DGKQ: variants seen among roughly 807,000 people sequenced by gnomAD.
The protein encoded by DGKQ is diacylglycerol kinase theta, also known as DAG kinase theta.
DGKQ carries 97 observed loss-of-function variants against 104.2 expected under a neutral mutation model. That is an observed-to-expected ratio of 0.93 (90% CI 0.79 to 1.10). The LOEUF is 1.10. DGKQ is among the 50% of genes least tolerant of loss of function. The probability of loss-of-function intolerance (pLI) is 0.00; values close to 1 mark genes in which losing one functional copy is unlikely to be tolerated. For missense variants in DGKQ, 1,465 were observed against 1,352.1 expected, an observed-to-expected ratio of 1.08 and a Z score of -1.31; for synonymous variants, 736 against 595.2, an observed-to-expected ratio of 1.24 and a Z score of -3.44.
At position 973,369 on chromosome 4, in the gene DGKQ, C is replaced by T; in HGVS notation, c.114G>A (p.Gly38=). 8.6e-7 allele frequency: 1 copy of T among 1,160,720 alleles called. No individual in the cohort carries two copies. Among genetic ancestry groups the T allele is most frequent in the Non-Finnish European group, 1.1e-6 (1 of 943,472 alleles). 71.9% of individuals were successfully genotyped at this position (1,160,720 alleles called of 1,614,324 possible). The change falls in exon 1 of 23, where the codon GGG becomes GGA. Residue 38 remains glycine (G), a synonymous_variant. Transcript: ENST00000273814. ...GCTCGGGTCCCGGCCCCGGCCCCGGCCCCGGGCGCGCGCGGCCTCCTGAGC... is the reference window on the plus strand; with the variant it reads ...GCTCGGGTCCCGGCCCCGGCCCCGGTCCCGGGCGCGCGCGGCCTCCTGAGC... The part of the protein sequence containing the change: ...VLGSGGRARP[G]PGPGPGPERA...
chr4:964,824 C>G (rs184749714), intron 15 of DGKQ, among the ~76,000 whole-genome samples: 1 of 152,294 alleles, frequency 6.6e-6, no homozygotes, highest in Non-Finnish European at 1.5e-5. Context: ...GGGCCCGGCA[C>G]ATCCAGGAGC....
Position 967,015 on chromosome 4 carries a change from C to T in DGKQ, c.1260G>A (p.Lys420=). Residue 420 remains lysine (K), a synonymous_variant, in exon 10 of 23, where the codon AAG becomes AAA. Transcript: ENST00000273814. ...CCAGCACCACAGAGCGGGCCGTGCT[C>T]TTCGGGGTCACTCGCACGGACACGT... The part of the protein sequence containing the change: ...VAYVSVRVTP[K]STARSVVLEV... 1.3e-6 allele frequency: 2 copies of T among 1,564,704 alleles called. No individual in the cohort carries two copies. Among genetic ancestry groups the T allele is most frequent in the Non-Finnish European group, 1.7e-6 (2 of 1,156,634 alleles).
At chr4:966,711 C>A in intron 11 of DGKQ, 37 bp downstream of exon 11, 1 of 1,587,814 alleles carries the variant, frequency 6.3e-7, no homozygotes. Context: ...CCAAAAGGTG[C>A]AGGGACCGCC....
At position 968,837 on chromosome 4, in the gene DGKQ, A is replaced by G; in HGVS notation, c.425T>C (p.Leu142Pro). 6.8e-6 allele frequency: 11 copies of G among 1,611,154 alleles called. No individual in the cohort carries two copies. The highest frequency in any genetic ancestry group is 9.3e-6 in the Non-Finnish European group (11 of 1,179,224). Residue 142 changes from leucine to proline, a missense_variant, in exon 3 of 23, where the codon CTG (leucine) becomes CCG (proline). Leu to Pro is a moderately conservative substitution (Grantham distance 98). Transcript: ENST00000273814. ...TTCGCAGTGGAGCGCCGGTGCCTCC[A>G]GGACCTTGCGGCAGACAGCACAGAA... ...RKFCAVCRKV[L>P]EAPALHCEVC...
rs760628983 is a variant in DGKQ, at chr4:961,538, T to C, written c.2503A>G (p.Thr835Ala). ...GADLWGSDSD[T>A]RFEKPRMDDG... ...TCCATGCGTGGCTTCTCAAACCTGG[T>C]GTCGCTGTCGGAGCCCCACAGGTCG... The change falls in exon 21 of 23, where the codon ACC becomes GCC. Residue 835 changes from threonine (T) to alanine (A), a missense_variant. Physicochemically the swap from Thr to Ala is moderately conservative, Grantham distance 58. Transcript: ENST00000273814. 1.2e-6 allele frequency: 2 copies of C among 1,609,200 alleles called. No individual in the cohort carries two copies. Among genetic ancestry groups the C allele is most frequent in the Admixed American group, 1.7e-5 (1 of 59,724 alleles).
Position 962,516 on chromosome 4 carries a change from G to A in DGKQ, c.2133C>T (p.Leu711=), listed in dbSNP as rs772756868. 1.2e-5 allele frequency: 20 copies of A among 1,609,872 alleles called. No individual in the cohort carries two copies. The highest frequency in any genetic ancestry group is 2.2e-5 in the South Asian group (2 of 91,078). Residue 711 remains leucine, a synonymous_variant, in exon 18 of 23, where the codon CTC becomes CTT. Transcript: ENST00000273814. ...CCAGCAGGATGGTCCAGCGGTCCATGAGCACGGCGTCGGCCTCGTCCACAG... is the reference window on the plus strand; with the variant it reads ...CCAGCAGGATGGTCCAGCGGTCCATAAGCACGGCGTCGGCCTCGTCCACAG... The part of the protein sequence containing the change: ...LLSVDEADAV[L]MDRWTILLDA...
At chr4:964,188 G>C (rs1278162865) in intron 15 of DGKQ, 1 of 154,510 alleles carries the variant, frequency 6.5e-6, no homozygotes, top group East Asian at 1.9e-4. Flanking sequence ...CGGGACAGTG[G>C]GGATGGCCAC....
Position 960,727 on chromosome 4 carries a change from C to G in DGKQ, c.2728-6G>C. The G allele has an allele frequency of 6.2e-7, 1 of 1,611,516 alleles. No homozygotes were observed. The highest frequency in any genetic ancestry group is 1.1e-5 in the South Asian group (1 of 91,064). ...GCCTTCCTCAGCATGTGCACCTGTC[C>G]CAGGGCAGGGGACAGAGGACCAGGG... On this transcript the variant is annotated splice_region_variant and splice_polypyrimidine_tract_variant and intron_variant, in intron 22 of 22. Coordinates refer to ENST00000273814, the MANE Select transcript of DGKQ (RefSeq NM_001347.4).
At chr4:963,603 G>T (rs763459846) in intron 15 of DGKQ, among the ~76,000 whole-genome samples, 16 of 152,220 alleles carry the variant, frequency 1.1e-4, no homozygotes, top group Non-Finnish European at 1.9e-4. Context: ...GCCATGCAGC[G>T]CGAGTCCAGG....
Position 961,548 on chromosome 4 carries a change from G to T in DGKQ, c.2493C>A (p.Ser831=). Residue 831 remains serine, a synonymous_variant, in exon 21 of 23, where the codon TCC becomes TCA. Transcript: ENST00000273814. ...GCTTCTCAAACCTGGTGTCGCTGTC[G>T]GAGCCCCACAGGTCGGCCCCCGAGC... ...SWGSGADLWG[S]DSDTRFEKPR... 4 of 1,609,316 alleles carry T rather than the reference G, an allele frequency of 2.5e-6. No homozygotes were observed. In the South Asian group the frequency reaches 3.3e-5, roughly 13 times the overall value.
At position 968,286 on chromosome 4, in the gene DGKQ, A is replaced by ACCCCGTGTCTCTCCTG; in HGVS notation, c.658_659insCAGGAGAGACACGGGG (p.Val220AlafsTer90). 8.0e-7 allele frequency: 1 copy of ACCCCGTGTCTCTCCTG among 1,248,956 alleles called. No individual in the cohort carries two copies. Among genetic ancestry groups the ACCCCGTGTCTCTCCTG allele is most frequent in the Non-Finnish European group, 1.0e-6 (1 of 966,300 alleles). 77.4% of individuals were successfully genotyped at this position (1,248,956 alleles called of 1,614,324 possible). A position where few individuals can be genotyped will look rare whatever the true frequency, so the allele number is the denominator to read the frequency against. On this transcript the variant is annotated frameshift_variant, in exon 5 of 23. Coordinates refer to ENST00000273814, the MANE Select transcript of DGKQ (RefSeq NM_001347.4). LOFTEE classifies it high-confidence loss of function. Reference sequence around the variant, plus strand: ...CCTCGACTTCCCAGCGCCCACCTGGACCCCGCACCACTCGCAGCGCACGCC... The same window carrying ACCCCGTGTCTCTCCTG: ...CCTCGACTTCCCAGCGCCCACCTGGACCCCGTGTCTCTCCTGCCCCGCACCACTCGCAGCGCACGCC...
chr4:967,896 C>G lies in DGKQ; in HGVS notation c.795G>C (p.Val265=). 6.9e-7 allele frequency: 1 copy of G among 1,452,188 alleles called. No homozygotes were observed. Among genetic ancestry groups the G allele is most frequent in the Non-Finnish European group, 9.0e-7 (1 of 1,110,320 alleles). 90.0% of individuals were successfully genotyped at this position (1,452,188 alleles called of 1,614,324 possible). A position where few individuals can be genotyped will look rare whatever the true frequency, so the allele number is the denominator to read the frequency against. ...GCACCTCACCCGGCTCCGCGGCCTC[C>G]ACGATGCGGAAGCTCTGCGTCTTGC... The part of the protein sequence containing the change: ...GFSKTQSFRI[V]EAAEPGEGGD... Residue 265 remains valine, a synonymous_variant, in exon 6 of 23, where the codon GTG becomes GTC. Transcript: ENST00000273814.
At chr4:972,177 C>T (rs996819888) in intron 1 of DGKQ, among the ~76,000 whole-genome samples, 4 of 152,116 alleles carry the variant, frequency 2.6e-5, no homozygotes, top group Non-Finnish European at 5.9e-5. Flanking sequence ...TTTGCCCCCT[C>T]CGAAGGGGGA....
rs1451093085 is a variant in DGKQ at position 966,793 on chromosome 4, G to A, written c.1321C>T (p.Pro441Ser). 1.6e-5 allele frequency: 25 copies of A among 1,609,956 alleles called. No homozygotes were observed. The highest frequency in any genetic ancestry group is 2.1e-5 in the Non-Finnish European group (25 of 1,178,754). ...LPLLGRQAES[P>S]ESFQLVEVAM... ...ACCTCCACCAGCTGGAAGCTCTCGG[G>A]ACTCTCGGCCTGTTGGGGTAGAGCT... Residue 441 changes from proline (P) to serine (S), a missense_variant, in exon 11 of 23, where the codon CCC becomes TCC. By Grantham distance (74) the Pro-to-Ser change is moderately conservative. Coordinates refer to ENST00000273814, the MANE Select transcript of DGKQ (RefSeq NM_001347.4).
intron 21 of DGKQ, 123 bp from the exon 22 acceptor site, chr4:961,324 G>C (rs1711868791): frequency 4.8e-6 from 6 of 1,253,860 alleles, no homozygotes; most frequent in Non-Finnish European, 5.4e-6. Flanking sequence ...CCTGGCCCTG[G>C]GGCGGGAGAG....
intron 2 of DGKQ, 75 bp from the exon 3 acceptor site, chr4:968,985 T>C: frequency 1.1e-6 from 1 of 933,976 alleles, no homozygotes; most frequent in South Asian, 1.7e-5. Flanking sequence ...GCTCTTCACC[T>C]GCGCAACTCT....
intron 2 of DGKQ, among the ~76,000 whole-genome samples, chr4:970,247 C>T (rs1712824312): frequency 6.6e-6 from 1 of 152,276 alleles, no homozygotes; most frequent in African/African-American, 2.4e-5. Flanking sequence ...CCCGGGCCTG[C>T]CTCGCGGCCT....
rs144512733 is a variant in DGKQ, at chr4:971,813, C to G, written c.272-741G>C. On this transcript the variant is annotated intron_variant, in intron 1 of 22. Transcript: ENST00000273814. The surrounding 1 kb of genome is among the most constrained non-coding windows in gnomAD (Gnocchi z 4.0). ...GCAGGGCACCCAGTGACACAACTGC[C>G]AAGACAGCCCCGGGTGAAGGTTGTG... is the stretch of plus-strand genomic sequence containing the variant. Among the ~76,000 whole-genome samples, 3,141 of 152,206 alleles carry G rather than the reference C, an allele frequency of 0.021. 103 individuals carry two copies. The highest frequency in any genetic ancestry group is 0.1 in the South Asian group (497 of 4,824).
chr4:963,071 T>G (rs1287674119), intron 16 of DGKQ, 68 bp downstream of exon 16: 2 of 1,519,258 alleles, frequency 1.3e-6, no homozygotes, highest in Non-Finnish European at 1.8e-6. Flanking sequence ...CCGAGACAGC[T>G]GTGGCAGCCT....
Sources: allele counts gnomAD v4.1 joint callset (sites outside exome capture counted in the v4.1 genomes callset), GRCh38; gene constraint gnomAD v4.1.1; non-coding constraint Gnocchi (gnomAD v3.1); transcripts MANE v1.5; gene names NCBI Gene and HGNC (gene_info 2026-07-23, HGNC 2026-07-21).